Variants in CENPP observed in about 807,000 individuals in gnomAD.
The protein encoded by CENPP is centromere protein P.
CENPP carries 24 observed loss-of-function variants against 35.6 expected under a neutral mutation model. The ratio of observed to expected loss-of-function variants is 0.67; its 90% CI spans 0.49 to 0.95. The LOEUF is 0.95. Among genes scored for constraint, CENPP ranks in the 40% least tolerant of loss-of-function variants. The pLI, the probability that CENPP is intolerant of heterozygous loss-of-function variation, is 0.00. For synonymous variants in CENPP, 120 were observed against 125.5 expected (o/e 0.96, Z 0.29); for missense variants, 332 against 345.3 (o/e 0.96, Z 0.31).
At chr9:92,527,986 C>G (rs1186631334) in intron 5 of CENPP, 2 of 153,466 alleles carry the variant, frequency 1.3e-5, no homozygotes, top group African/African-American at 4.8e-5. Flanking sequence ...GAATGATACT[C>G]TAGGAAGCGA....
intron 5 of CENPP, among the ~76,000 whole-genome samples, chr9:92,514,447 G>A (rs1847557720): frequency 6.6e-6 from 1 of 151,826 alleles, no homozygotes; most frequent in South Asian, 2.1e-4. Context: ...GCTAATTTTT[G>A]TATTTTTGGT....
At chr9:92,348,656 T>G (rs1308458680) in intron 4 of CENPP, among the ~76,000 whole-genome samples, 1 of 152,204 alleles carries the variant, frequency 6.6e-6, no homozygotes, top group Non-Finnish European at 1.5e-5. Context: ...CCTCCCAAAG[T>G]GCTGGGAATA....
intron 5 of CENPP, among the ~76,000 whole-genome samples, chr9:92,489,293 A>G (rs1846126993): frequency 6.6e-6 from 1 of 152,184 alleles, no homozygotes; most frequent in Admixed American, 6.5e-5. Flanking sequence ...ACTAGTTTCA[A>G]TTGAGCTGAT....
chr9:92,403,756 T>C, intron 5 of CENPP: 1 of 635,036 alleles, frequency 1.6e-6, no homozygotes, highest in East Asian at 1.3e-4. Flanking sequence ...TGAAATATTC[T>C]TAGGATACCT....
chr9:92,515,516 G>A (rs1847647906), intron 5 of CENPP, among the ~76,000 whole-genome samples: 1 of 152,092 alleles, frequency 6.6e-6, no homozygotes, highest in Admixed American at 6.5e-5. Context: ...GCCACATGAG[G>A]CAAAATGGTA....
intron 5 of CENPP, among the ~76,000 whole-genome samples, chr9:92,577,931 C>T (rs1000944002): frequency 4.8e-5 from 7 of 146,510 alleles, no homozygotes; most frequent in Admixed American, 2.0e-4. Flanking sequence ...GTATATCTCC[C>T]AATGCTATCC....
intron 5 of CENPP, among the ~76,000 whole-genome samples, chr9:92,518,459 C>T (rs1349653845): frequency 6.6e-6 from 1 of 152,140 alleles, no homozygotes; most frequent in Admixed American, 6.5e-5. Context: ...AGCTCACAGC[C>T]CACCCTTGAT....
At chr9:92,460,147 A>G (rs1365289109) in intron 5 of CENPP, among the ~76,000 whole-genome samples, 1 of 149,956 alleles carries the variant, frequency 6.7e-6, no homozygotes, top group Non-Finnish European at 1.5e-5. Flanking sequence ...GCTCACTGCA[A>G]CCTCAGCCTC....
intron 5 of CENPP, among the ~76,000 whole-genome samples, chr9:92,510,351 G>A (rs1847261675): frequency 6.6e-6 from 1 of 152,196 alleles, no homozygotes; most frequent in Non-Finnish European, 1.5e-5. Context: ...TAGATCTTAG[G>A]TTTCCACCTT....
chr9:92,601,940 C>T (rs1263174750), intron 5 of CENPP, among the ~76,000 whole-genome samples: 1 of 152,220 alleles, frequency 6.6e-6, no homozygotes, highest in African/African-American at 2.4e-5. Context: ...GCTCTTTCCA[C>T]TGACAGGCCC....
At chr9:92,385,152 C>T (rs1380) in intron 5 of CENPP, 17,525 of 153,104 alleles carry the variant, frequency 0.11, 1,063 homozygotes, top group Middle Eastern at 0.15. Context: ...TAAGGAATAA[C>T]GTATGAATCA....
At chr9:92,467,907 A>G (rs1272000100) in intron 5 of CENPP, among the ~76,000 whole-genome samples, 2 of 152,244 alleles carry the variant, frequency 1.3e-5, no homozygotes, top group Non-Finnish European at 1.5e-5. Context: ...AACTAAAAGT[A>G]TCTTCTCTTT....
intron 4 of CENPP, among the ~76,000 whole-genome samples, chr9:92,358,160 T>C (rs972273895): frequency 4.0e-5 from 6 of 148,962 alleles, no homozygotes; most frequent in East Asian, 3.9e-4. Context: ...CTTCCTCTCT[T>C]TTTTTTTTTT....
rs1843293135 is a variant in CENPP at position 92,405,972 on chromosome 9, AGC to A, written c.564+26114_564+26115del. Among the ~76,000 whole-genome samples the A allele has an allele frequency of 1.6e-4, 24 of 152,336 alleles. No individual in the cohort carries two copies. In the South Asian group the frequency reaches 5.0e-3, roughly 32 times the overall value. On this transcript the variant is annotated intron_variant, in intron 5 of 7. Coordinates refer to ENST00000375587, the MANE Select transcript of CENPP (RefSeq NM_001012267.3). ...TTATAGCCTCTAAGTCAGCAGGAAA[AGC>A]AGCAAACAAGCAACTAGAATCCATG... is the stretch of plus-strand genomic sequence containing the variant.
chr9:92,538,785 A>AT (rs1406892148), intron 5 of CENPP, among the ~76,000 whole-genome samples: 9 of 152,220 alleles, frequency 5.9e-5, no homozygotes, highest in African/African-American at 2.2e-4. Flanking sequence ...GGAATGTGGT[A>AT]TTGGTCACCA....
At chr9:92,360,978 A>T (rs1331552145) in intron 4 of CENPP, among the ~76,000 whole-genome samples, 1 of 152,010 alleles carries the variant, frequency 6.6e-6, no homozygotes, top group Non-Finnish European at 1.5e-5. Context: ...AAGTGCTGGG[A>T]TTACAGGCGT....
At chr9:92,450,504 A>G (rs1034085232) in intron 5 of CENPP, among the ~76,000 whole-genome samples, 7 of 152,084 alleles carry the variant, frequency 4.6e-5, no homozygotes, top group Non-Finnish European at 7.4e-5. Context: ...ATTGTTGGAC[A>G]TTAGGGTTGG....
chr9:92,390,409 CAT>C (rs1385277551), intron 5 of CENPP, among the ~76,000 whole-genome samples: 2 of 152,172 alleles, frequency 1.3e-5, no homozygotes, highest in East Asian at 1.9e-4. Context: ...TGATTGGAAT[CAT>C]GTAATTTTTT....
Position 92,615,615 on chromosome 9 carries a change from G to A in CENPP, c.*2466G>A, listed in dbSNP as rs1851406199. ...GGACACTTCCATTTTAAGAGTGTGA[G>A]CAGCTTCCTGGGACACAGCACTCAC... is the stretch of plus-strand genomic sequence containing the variant. On this transcript the variant is annotated 3_prime_UTR_variant, in exon 8 of 8. Coordinates refer to ENST00000375587, the MANE Select transcript of CENPP (RefSeq NM_001012267.3). 1 of 533,822 alleles carries A rather than the reference G, an allele frequency of 1.9e-6. No individual in the cohort carries two copies. The highest frequency in any genetic ancestry group is 3.4e-6 in the Non-Finnish European group (1 of 296,598). The allele number at this position is 533,822 out of a possible 1,614,324, so 33.1% of individuals were successfully genotyped here.
Sources: allele counts gnomAD v4.1 joint callset (sites outside exome capture counted in the v4.1 genomes callset), GRCh38; gene constraint gnomAD v4.1.1; transcripts MANE v1.5; gene names NCBI Gene and HGNC (gene_info 2026-07-23, HGNC 2026-07-21).